USP49: variants seen among roughly 807,000 people sequenced by gnomAD.
USP49 encodes ubiquitin specific peptidase 49.
USP49 carries 24 observed loss-of-function variants against 58.6 expected under a neutral mutation model. That is an observed-to-expected ratio of 0.41 (90% CI 0.30 to 0.58). USP49 has a LOEUF of 0.58. Ranked by LOEUF, USP49 falls within the 20% of genes least tolerant of loss-of-function variation. The pLI is 0.30. For synonymous variants in USP49, 408 were observed against 365.1 expected (o/e 1.12, Z -1.34); for missense variants, 703 against 866.1 (o/e 0.81, Z 2.36).
At chr6:41,828,259 A>G (rs780078790) in intron 3 of USP49, among the ~76,000 whole-genome samples, 6 of 152,184 alleles carry the variant, frequency 3.9e-5, no homozygotes, top group Non-Finnish European at 7.4e-5. Context: ...CCTGGCCAAC[A>G]TGGGGAAACC....
chr6:41,860,311 G>A (rs1774197710), intron 3 of USP49, among the ~76,000 whole-genome samples: 1 of 151,842 alleles, frequency 6.6e-6, no homozygotes, highest in African/African-American at 2.4e-5. Context: ...AGGTGAGGCA[G>A]TTGAGAGACA....
chr6:41,819,457 A>G (rs1773416324), intron 3 of USP49, among the ~76,000 whole-genome samples: 2 of 152,166 alleles, frequency 1.3e-5, no homozygotes, highest in South Asian at 4.1e-4. Flanking sequence ...TAGACAGGCA[A>G]TCATTAAAAA....
Position 41,891,895 on chromosome 6 carries a change from C to T in USP49, c.-184-20G>A, listed in dbSNP as rs1774816308. On this transcript the variant is annotated intron_variant, in intron 1 of 7. Coordinates refer to ENST00000682992, the MANE Select transcript of USP49 (RefSeq NM_001286554.2). ...AAGAATCTACGGTTAACCAGGAAAA[C>T]ATTTAATTATGTACAGCCTAATAAA... 6.6e-6 allele frequency: 1 copy of T among 152,104 alleles called. No homozygotes were observed. Among genetic ancestry groups the T allele is most frequent in the Admixed American group, 6.6e-5 (1 of 15,266 alleles). The allele number at this position is 152,104 out of a possible 1,614,324, so 9.4% of individuals were successfully genotyped here. A position where few individuals can be genotyped will look rare whatever the true frequency, so the allele number is the denominator to read the frequency against.
intron 6 of USP49, 26 bp from the exon 7 acceptor site, chr6:41,798,955 C>G (rs1317420493): frequency 6.2e-7 from 1 of 1,604,556 alleles, no homozygotes; most frequent in East Asian, 2.2e-5. Context: ...AAGCTTGTTA[C>G]TAGTAAAAAC....
chr6:41,813,804 G>T (rs1457277022), intron 3 of USP49, among the ~76,000 whole-genome samples: 1 of 152,114 alleles, frequency 6.6e-6, no homozygotes, highest in Non-Finnish European at 1.5e-5. Context: ...AATCTCCTAA[G>T]AGTGACACAA....
rs776215758 is a variant in USP49 at position 41,806,037 on chromosome 6, GACA to G, written c.944_946del (p.Leu315_Ser316delinsPro). ...TGCCTCGGCCCTGTCATTTCTCAAG[GACA>G]GCTCCGTGGCCGAGCTGTTGGTTGG... On this transcript the variant is annotated inframe_deletion, in exon 4 of 8. Transcript: ENST00000682992. This position sits in a 1 kb window ranked among gnomAD's most constrained non-coding sequence, Gnocchi z 5.9. 1.3e-5 allele frequency: 21 copies of G among 1,613,894 alleles called. 1 individual carries two copies. The South Asian group carries it at 2.3e-4, about 18-fold the overall frequency.
chr6:41,819,048 A>T (rs1016189122), intron 3 of USP49, among the ~76,000 whole-genome samples: 2 of 151,996 alleles, frequency 1.3e-5, no homozygotes, highest in African/African-American at 4.8e-5. Context: ...TTCTTTTTTT[A>T]AAATATTTGT....
intron 3 of USP49, among the ~76,000 whole-genome samples, chr6:41,867,529 G>T (rs530341658): frequency 2.6e-3 from 397 of 150,218 alleles, no homozygotes; most frequent in African/African-American, 9.1e-3. Flanking sequence ...GGATCACGAG[G>T]TCAGGAGATT....
At chr6:41,876,485 C>T (rs1194867265) in intron 2 of USP49, among the ~76,000 whole-genome samples, 6 of 152,162 alleles carry the variant, frequency 3.9e-5, no homozygotes, top group East Asian at 1.9e-4. Context: ...GGCACAATCT[C>T]GGCTCACTGC....
chr6:41,797,420 T>G (rs961295022), intron 7 of USP49, among the ~76,000 whole-genome samples: 1 of 151,634 alleles, frequency 6.6e-6, no homozygotes, highest in Non-Finnish European at 1.5e-5. Context: ...TGAAGGAAAA[T>G]TTAGAAGGAA....
intron 3 of USP49, among the ~76,000 whole-genome samples, chr6:41,861,126 C>T (rs1055605671): frequency 6.7e-6 from 1 of 150,222 alleles, no homozygotes; most frequent in African/African-American, 2.5e-5. Flanking sequence ...TGATACTCTG[C>T]CTCAAAACAT....
At position 41,806,044 on chromosome 6, in the gene USP49, C is replaced by T; in HGVS notation, c.940G>A (p.Glu314Lys). 6.2e-7 allele frequency: 1 copy of T among 1,614,056 alleles called. No homozygotes were observed. Among genetic ancestry groups the T allele is most frequent in the Non-Finnish European group, 8.5e-7 (1 of 1,180,044 alleles). Residue 314 changes from glutamate to lysine, a missense_variant, in exon 4 of 8, where the codon GAG becomes AAG. By Grantham distance (56) the Glu-to-Lys change is moderately conservative (BLOSUM62 1). Coordinates refer to ENST00000682992, the MANE Select transcript of USP49 (RefSeq NM_001286554.2). The surrounding 1 kb of genome is among the most constrained non-coding windows in gnomAD (Gnocchi z 5.9). ...SGKPTNSSAT[E>K]LSLRNDRAEA... ...GCCCTGTCATTTCTCAAGGACAGCT[C>T]CGTGGCCGAGCTGTTGGTTGGCTTG...
chr6:41,885,524 C>A (rs1465682253), intron 2 of USP49, among the ~76,000 whole-genome samples: 1 of 152,058 alleles, frequency 6.6e-6, no homozygotes, highest in Non-Finnish European at 1.5e-5. Context: ...CACAATCATA[C>A]CTCACTGTAA....
chr6:41,865,916 CTTTTTTT>C (rs34663718), intron 3 of USP49, among the ~76,000 whole-genome samples: 1 of 65,388 alleles, frequency 1.5e-5, no homozygotes, highest in African/African-American at 6.6e-5. Context: ...AGCATGGTGC[CTTTTTTT>C]TTTTTTTTTT....
chr6:41,853,038 T>C (rs1261684821), intron 3 of USP49, among the ~76,000 whole-genome samples: 1 of 152,108 alleles, frequency 6.6e-6, no homozygotes, highest in Non-Finnish European at 1.5e-5. Flanking sequence ...ATACAAAAAT[T>C]AGCTGGGCAT....
chr6:41,842,061 A>G (rs1773837271), intron 3 of USP49, among the ~76,000 whole-genome samples: 2 of 151,664 alleles, frequency 1.3e-5, no homozygotes, highest in South Asian at 4.2e-4. Context: ...TGTCTCTAAT[A>G]ATAAAATAAA....
intron 3 of USP49, among the ~76,000 whole-genome samples, chr6:41,837,370 C>T (rs780995117): frequency 4.1e-4 from 63 of 152,146 alleles, no homozygotes; most frequent in Non-Finnish European, 7.8e-4. Context: ...GCTCCCTATT[C>T]AATAAATGGC....
chr6:41,816,300 G>A (rs1314130019), intron 3 of USP49, among the ~76,000 whole-genome samples: 1 of 152,092 alleles, frequency 6.6e-6, no homozygotes, highest in Non-Finnish European at 1.5e-5. Flanking sequence ...CCTCCTTTTT[G>A]TAGAAACTGT....
chr6:41,849,257 T>C (rs1339332886), intron 3 of USP49, among the ~76,000 whole-genome samples: 1 of 152,098 alleles, frequency 6.6e-6, no homozygotes, highest in African/African-American at 2.4e-5. Context: ...AGATATACAA[T>C]AATAAATATT....
Sources: gnomAD v4.1 joint callset for allele counts (sites outside exome capture counted in the v4.1 genomes callset) on GRCh38, gnomAD v4.1.1 for gene constraint, Gnocchi (gnomAD v3.1) non-coding constraint, MANE v1.5 for transcripts, NCBI Gene and HGNC (gene_info 2026-07-23, HGNC 2026-07-21) for gene names.